PLAGL1: variants seen among roughly 807,000 people sequenced by gnomAD.
The protein encoded by PLAGL1 is PLAG1 like zinc finger 1.
In PLAGL1, 1 loss-of-function variant was observed where a neutral mutation model predicts 4.6. The ratio of observed to expected loss-of-function variants is 0.22; its 90% CI spans 0.08 to 1.03. PLAGL1 has a LOEUF of 1.03. Ranked by LOEUF, PLAGL1 falls within the 50% of genes least tolerant of loss-of-function variation. PLAGL1 has a pLI of 0.58. For missense variants in PLAGL1, 464 were observed against 570.4 expected (o/e 0.81, Z 1.90); for synonymous variants, 240 against 237.8 (o/e 1.01, Z -0.08).
intron 7 of PLAGL1, among the ~76,000 whole-genome samples, chr6:143,946,966 T>C (rs1465380710): frequency 2.6e-5 from 4 of 152,206 alleles, no homozygotes; most frequent in Admixed American, 2.6e-4. Flanking sequence ...CATGGAGTCT[T>C]TCCTGTGATA....
chr6:144,042,679 A>G (rs1797832034), intron 1 of PLAGL1, among the ~76,000 whole-genome samples: 1 of 152,112 alleles, frequency 6.6e-6, no homozygotes, highest in Non-Finnish European at 1.5e-5. Flanking sequence ...TTCCATATGA[A>G]CTTTAAAGTG....
At chr6:144,001,182 A>T (rs12194305) in intron 1 of PLAGL1, among the ~76,000 whole-genome samples, 45,315 of 151,880 alleles carry the variant, frequency 0.3, 7,813 homozygotes, top group South Asian at 0.41. Flanking sequence ...GATAAAAAAA[A>T]AAAAATAAAA....
At position 144,036,848 on chromosome 6, in the gene PLAGL1, GA is replaced by G; in HGVS notation, c.-151+27619del. On this transcript the variant is annotated intron_variant, in intron 1 of 3. Coordinates refer to the PLAGL1 transcript ENST00000437412. This position sits in a 1 kb window ranked among gnomAD's most constrained non-coding sequence, Gnocchi z 5.1. ...GGTTTGAAATACTCTGGCATAAAAT[GA>G]AGGCCATCCCCTAATGGTTTGTTCT... The G allele has an allele frequency of 3.2e-6, 1 of 312,088 alleles. No homozygotes were observed. 19.3% of individuals were successfully genotyped at this position (312,088 alleles called of 1,614,324 possible). A position where few individuals can be genotyped will look rare whatever the true frequency, so the allele number is the denominator to read the frequency against.
At chr6:143,977,348 T>C (rs1282765928) in intron 2 of PLAGL1, among the ~76,000 whole-genome samples, 3 of 152,162 alleles carry the variant, frequency 2.0e-5, no homozygotes, top group East Asian at 1.9e-4. Flanking sequence ...TGAAATTATA[T>C]AGTATGCAGC....
intron 1 of PLAGL1, among the ~76,000 whole-genome samples, chr6:143,987,837 C>T (rs77551336): frequency 0.066 from 10,037 of 152,160 alleles, 411 homozygotes; most frequent in East Asian, 0.19. Context: ...AAAACTCTGT[C>T]TAAAACATGG....
intron 1 of PLAGL1, among the ~76,000 whole-genome samples, chr6:144,060,342 C>A (rs1416070245): frequency 6.6e-6 from 1 of 152,192 alleles, no homozygotes. Context: ...AGCCACTGGG[C>A]CAGCCTGTGT....
At position 144,055,399 on chromosome 6, in the gene PLAGL1, A is replaced by G. The variant is rs762801425; in HGVS notation, c.-151+9069T>C. 2.0e-5 allele frequency among the ~76,000 whole-genome samples: 3 copies of G among 152,204 alleles called. No individual in the cohort carries two copies. Among genetic ancestry groups the G allele is most frequent in the Non-Finnish European group, 4.4e-5 (3 of 68,032 alleles). Reference sequence around the variant, plus strand: ...CAAAACCACACTGGCATTCTTTAACATGATGAATTTTATTATACAGATGAG... The same window carrying G: ...CAAAACCACACTGGCATTCTTTAACGTGATGAATTTTATTATACAGATGAG... On this transcript the variant is annotated intron_variant, in intron 1 of 3. Transcript: ENST00000437412. This position sits in a 1 kb window ranked among gnomAD's most constrained non-coding sequence, Gnocchi z 5.0.
Position 144,036,051 on chromosome 6 carries a change from A to G in PLAGL1, c.-151+28417T>C, listed in dbSNP as rs1330227608. On this transcript the variant is annotated intron_variant, in intron 1 of 3. Transcript: ENST00000437412. This position sits in a 1 kb window ranked among gnomAD's most constrained non-coding sequence, Gnocchi z 5.1. ...GTGTGGCTTAGCCTGGAAACCCTCAATGCAGGACTCCAACCCCAAGAAAGT... is the reference window on the plus strand; with the variant it reads ...GTGTGGCTTAGCCTGGAAACCCTCAGTGCAGGACTCCAACCCCAAGAAAGT... 2.6e-5 allele frequency among the ~76,000 whole-genome samples: 4 copies of G among 152,068 alleles called. No homozygotes were observed. The highest frequency in any genetic ancestry group is 6.5e-5 in the Admixed American group (1 of 15,274).
chr6:144,040,027 A>G (rs925113361), intron 1 of PLAGL1, among the ~76,000 whole-genome samples: 1 of 152,042 alleles, frequency 6.6e-6, no homozygotes, highest in Non-Finnish European at 1.5e-5. Context: ...ACATATACAA[A>G]TGTCAGGGAA....
rs886281683 is a variant in PLAGL1 at position 143,984,358 on chromosome 6, C to A, written c.-544+777G>T. Among the ~76,000 whole-genome samples the A allele has an allele frequency of 7.2e-5, 11 of 152,082 alleles. No homozygotes were observed. In the South Asian group the frequency reaches 2.3e-3, roughly 32 times the overall value. ...AAATATGCTGGAGAAACACCACAGA[C>A]CAAAGGCCATCGATAATCACTTGTT... On this transcript the variant is annotated intron_variant, in intron 2 of 7. Transcript: ENST00000674357. The surrounding 1 kb of genome is among the most constrained non-coding windows in gnomAD (Gnocchi z 5.5).
intron 1 of PLAGL1, among the ~76,000 whole-genome samples, chr6:144,042,661 T>C (rs1477251183): frequency 6.6e-6 from 1 of 152,236 alleles, no homozygotes; most frequent in Non-Finnish European, 1.5e-5. Context: ...ATGCAAGCTC[T>C]TTTTTGGTTC....
rs1177797284 is a variant in PLAGL1, at chr6:143,957,448, C to G, written c.-325+3021G>C. On this transcript the variant is annotated intron_variant, in intron 6 of 7. Transcript: ENST00000674357. This position sits in a 1 kb window ranked among gnomAD's most constrained non-coding sequence, Gnocchi z 4.2. ...TCCCCCTCCTCACTCCCTAGAAACC[C>G]TTGAGTCTCGCCTTTAGGCCCTTTT... 6.6e-6 allele frequency among the ~76,000 whole-genome samples: 1 copy of G among 152,334 alleles called. No homozygotes were observed. The highest frequency in any genetic ancestry group is 1.5e-5 in the Non-Finnish European group (1 of 68,036).
At chr6:144,032,336 C>G (rs1796897311) in intron 1 of PLAGL1, among the ~76,000 whole-genome samples, 1 of 145,946 alleles carries the variant, frequency 6.9e-6, no homozygotes, top group South Asian at 2.2e-4. Flanking sequence ...GTTGCCCAGG[C>G]TGGTCTCAAA....
chr6:143,988,443 G>A (rs1003830196), intron 1 of PLAGL1, among the ~76,000 whole-genome samples: 2 of 152,196 alleles, frequency 1.3e-5, no homozygotes, highest in Non-Finnish European at 2.9e-5. Context: ...CACTTCATCA[G>A]AGGTTCTGGA....
chr6:144,030,182 G>A (rs1366439041), intron 1 of PLAGL1, among the ~76,000 whole-genome samples: 1 of 147,350 alleles, frequency 6.8e-6, no homozygotes, highest in Non-Finnish European at 1.5e-5. Context: ...GTGAACCTGG[G>A]AGGCGGAGCT....
chr6:144,046,237 G>A (rs2128721104), intron 1 of PLAGL1, among the ~76,000 whole-genome samples: 1 of 152,310 alleles, frequency 6.6e-6, no homozygotes, highest in East Asian at 1.9e-4. Flanking sequence ...CTGGCAAGGA[G>A]CTGTGATCCT....
intron 1 of PLAGL1, among the ~76,000 whole-genome samples, chr6:144,029,933 T>C (rs1408995256): frequency 6.6e-6 from 1 of 152,152 alleles, no homozygotes; most frequent in Non-Finnish European, 1.5e-5. Flanking sequence ...AAGCTATATT[T>C]CTAATAGCAA....
At chr6:144,044,455 C>T (rs1797974018) in intron 1 of PLAGL1, among the ~76,000 whole-genome samples, 2 of 152,190 alleles carry the variant, frequency 1.3e-5, no homozygotes, top group African/African-American at 4.8e-5. Context: ...CATTCAGGAG[C>T]AGGTTGTTCA....
chr6:143,979,830 T>A lies in PLAGL1; in HGVS notation c.-544+5305A>T, dbSNP rs1787515149. Among the ~76,000 whole-genome samples, 1 of 151,382 alleles carries A rather than the reference T, an allele frequency of 6.6e-6. No individual in the cohort carries two copies. On this transcript the variant is annotated intron_variant, in intron 2 of 7. Transcript: ENST00000674357. This position sits in a 1 kb window ranked among gnomAD's most constrained non-coding sequence, Gnocchi z 4.6. ...TCAACTGACAATAAATGTGAGAGTTTAAAAAAAAAGATTTCCTTTAGTATT... is the reference window on the plus strand; with the variant it reads ...TCAACTGACAATAAATGTGAGAGTTAAAAAAAAAAGATTTCCTTTAGTATT...
Sources: gnomAD v4.1 joint callset for allele counts (sites outside exome capture counted in the v4.1 genomes callset) on GRCh38, gnomAD v4.1.1 for gene constraint, Gnocchi (gnomAD v3.1) non-coding constraint, MANE v1.5 for transcripts, NCBI Gene and HGNC (gene_info 2026-07-23, HGNC 2026-07-21) for gene names.